Variants in DOCK1 observed in about 807,000 individuals in gnomAD.
DOCK1 encodes the protein dedicator of cytokinesis 1.
A neutral mutation model predicts 262.7 loss-of-function variants in DOCK1; 138 were observed. The ratio of observed to expected loss-of-function variants is 0.53; its 90% CI spans 0.46 to 0.61. The LOEUF (loss-of-function observed/expected upper bound fraction) is 0.61. Ranked by LOEUF, DOCK1 falls within the 20% of genes least tolerant of loss-of-function variation. The probability of loss-of-function intolerance (pLI) is 0.00; values close to 1 mark genes in which losing one functional copy is unlikely to be tolerated. For missense variants in DOCK1, 1,908 were observed against 2,370.7 expected (o/e 0.80, Z 4.05); for synonymous variants, 866 against 867.4 (o/e 1.00, Z 0.03).
chr10:127,065,811 G>A (rs7075343), intron 23 of DOCK1, among the ~76,000 whole-genome samples: 35,572 of 151,580 alleles, frequency 0.23, 4,295 homozygotes, highest in African/African-American at 0.27. Flanking sequence ...CCGAGATCGC[G>A]CCATTGCACT....
intron 32 of DOCK1, among the ~76,000 whole-genome samples, chr10:127,356,778 G>A (rs2064167487): frequency 1.3e-5 from 2 of 152,158 alleles, no homozygotes; most frequent in African/African-American, 4.8e-5. Context: ...GCAGACCCCA[G>A]ACCTCTTCTC....
At chr10:127,424,184 G>A (rs1433762858) in intron 46 of DOCK1, among the ~76,000 whole-genome samples, 4 of 152,190 alleles carry the variant, frequency 2.6e-5, no homozygotes, top group African/African-American at 7.2e-5. Flanking sequence ...ACATATAACA[G>A]GGAACCAGTT....
chr10:127,323,936 G>T (rs1295803487), intron 29 of DOCK1, among the ~76,000 whole-genome samples: 4 of 152,248 alleles, frequency 2.6e-5, no homozygotes, highest in Non-Finnish European at 4.4e-5. Context: ...CTCCTGTGGA[G>T]TAAGGCCCTG....
chr10:127,115,748 A>G (rs1393868553), intron 25 of DOCK1, among the ~76,000 whole-genome samples: 3 of 152,382 alleles, frequency 2.0e-5, no homozygotes, highest in Middle Eastern at 6.8e-3. Context: ...AGCATTGGCT[A>G]TACTTGTAAG....
chr10:127,200,162 C>T lies in DOCK1; in HGVS notation c.2848-47846C>T, dbSNP rs190316304. On this transcript the variant is annotated intron_variant, in intron 27 of 51. Coordinates refer to ENST00000623213, the MANE Select transcript of DOCK1 (RefSeq NM_001290223.2). ...GATCCAGATCCCAAGAGAGGGTTCC[C>T]GGATCTCACACAAGAAAGAACACAG... Among the ~76,000 whole-genome samples the T allele has an allele frequency of 8.6e-3, 1,304 of 152,236 alleles. 74 individuals are homozygous for T. The highest frequency in any genetic ancestry group is 0.078 in the Admixed American group (1,196 of 15,290).
chr10:127,073,302 G>C (rs2046337380), intron 23 of DOCK1, among the ~76,000 whole-genome samples: 1 of 152,160 alleles, frequency 6.6e-6, no homozygotes, highest in Non-Finnish European at 1.5e-5. Context: ...TTGACCAACT[G>C]ATTCCGAAGT....
intron 23 of DOCK1, among the ~76,000 whole-genome samples, chr10:127,084,991 G>T (rs1240021484): frequency 6.6e-6 from 1 of 152,156 alleles, no homozygotes; most frequent in East Asian, 1.9e-4. Context: ...CTTGTTCGTT[G>T]TCCTCTGATT....
intron 38 of DOCK1, 49 bp downstream of exon 38, chr10:127,384,958 A>G: frequency 6.6e-7 from 1 of 1,506,708 alleles, no homozygotes; most frequent in Non-Finnish European, 8.9e-7. Flanking sequence ...CCATGCACCT[A>G]CCTGCAGTGT....
chr10:127,335,139 TA>T (rs1250005937), intron 29 of DOCK1, among the ~76,000 whole-genome samples: 1 of 152,220 alleles, frequency 6.6e-6, no homozygotes, highest in Non-Finnish European at 1.5e-5. Context: ...ATATACTGTG[TA>T]CCAAATGCTG....
intron 27 of DOCK1, among the ~76,000 whole-genome samples, chr10:127,242,927 GTC>G (rs1246124080): frequency 6.6e-6 from 1 of 152,012 alleles, no homozygotes; most frequent in African/African-American, 2.4e-5. Context: ...TCACTCCTGT[GTC>G]TCTGTTTACA....
At chr10:127,342,697 T>G (rs1350888277) in intron 30 of DOCK1, among the ~76,000 whole-genome samples, 1 of 152,238 alleles carries the variant, frequency 6.6e-6, no homozygotes, top group African/African-American at 2.4e-5. Context: ...TCCTTTGATA[T>G]AATACATATT....
chr10:127,356,780 C>T (rs1386984410), intron 32 of DOCK1, among the ~76,000 whole-genome samples: 1 of 152,154 alleles, frequency 6.6e-6, no homozygotes, highest in African/African-American at 2.4e-5. Flanking sequence ...AGACCCCAGA[C>T]CTCTTCTCTG....
At chr10:127,396,754 C>CAAAAAA (rs372642343) in intron 38 of DOCK1, among the ~76,000 whole-genome samples, 1 of 134,146 alleles carries the variant, frequency 7.5e-6, no homozygotes, top group African/African-American at 2.8e-5. Flanking sequence ...ATCTCTGTTA[C>CAAAAAA]AAAAAAAAAA....
intron 23 of DOCK1, among the ~76,000 whole-genome samples, chr10:127,071,659 A>G (rs1266359478): frequency 6.6e-6 from 1 of 152,206 alleles, no homozygotes; most frequent in East Asian, 1.9e-4. Context: ...GCTGTATGCC[A>G]GTTCAGAACA....
At chr10:127,177,731 T>C (rs543231971) in intron 27 of DOCK1, among the ~76,000 whole-genome samples, 12 of 152,320 alleles carry the variant, frequency 7.9e-5, no homozygotes, top group African/African-American at 2.4e-4. Context: ...CATTGGAAAA[T>C]GCCACAAGAA....
chr10:127,243,737 G>C (rs1011747620), intron 27 of DOCK1, among the ~76,000 whole-genome samples: 1 of 152,168 alleles, frequency 6.6e-6, no homozygotes, highest in African/African-American at 2.4e-5. Context: ...CTGCGAGAGA[G>C]ATTTTTTAAG....
intron 1 of DOCK1, among the ~76,000 whole-genome samples, chr10:126,906,106 C>T (rs945754873): frequency 1.3e-5 from 2 of 152,160 alleles, no homozygotes; most frequent in African/African-American, 2.4e-5. Context: ...GCGCCCCTTG[C>T]CCCTCGGCGG....
intron 43 of DOCK1, among the ~76,000 whole-genome samples, chr10:127,413,698 G>A (rs2067990342): frequency 6.6e-6 from 1 of 152,168 alleles, no homozygotes; most frequent in Non-Finnish European, 1.5e-5. Flanking sequence ...AGAAAGCACT[G>A]GAATCTGGTC....
Position 127,175,190 on chromosome 10 carries a change from AGACAT to A in DOCK1, c.2847+47428_2847+47432del. 1 of 1,583,664 alleles carries A rather than the reference AGACAT, an allele frequency of 6.3e-7. No homozygotes were observed. Among genetic ancestry groups the A allele is most frequent in the Admixed American group, 1.7e-5 (1 of 58,626 alleles). The stretch of plus-strand genomic sequence containing the variant: ...GGTGATCAGCCTGCATAGCTTCCTA[AGACAT>A]GGGTGAACATACATACCCTTCCCGA... On this transcript the variant is annotated intron_variant, in intron 27 of 51. Transcript: ENST00000623213. This position sits in a 1 kb window ranked among gnomAD's most constrained non-coding sequence, Gnocchi z 6.3.
Sources: gnomAD v4.1 joint callset for allele counts (sites outside exome capture counted in the v4.1 genomes callset) on GRCh38, gnomAD v4.1.1 for gene constraint, Gnocchi (gnomAD v3.1) non-coding constraint, MANE v1.5 for transcripts, NCBI Gene and HGNC (gene_info 2026-07-23, HGNC 2026-07-21) for gene names.